The following SH3GL2 variants were observed in gnomAD, a reference collection of about 807,000 sequenced individuals.
The protein encoded by SH3GL2 is endophilin-A1.
A neutral mutation model predicts 46.0 loss-of-function variants in SH3GL2; 24 were observed. The observed-to-expected ratio is 0.52, with a 90% CI of 0.38 to 0.73. The LOEUF is 0.73. Among genes scored for constraint, SH3GL2 ranks in the 30% least tolerant of loss-of-function variants. The pLI is 0.00. For synonymous variants in SH3GL2, 196 were observed against 147.1 expected (o/e 1.33, Z -2.40); for missense variants, 413 against 424.2 (o/e 0.97, Z 0.23).
At chr9:17,672,495 T>C (rs1258137704) in intron 1 of SH3GL2, among the ~76,000 whole-genome samples, 1 of 152,190 alleles carries the variant, frequency 6.6e-6, no homozygotes, top group Non-Finnish European at 1.5e-5. Context: ...TACATAGATC[T>C]TGAAAATTAG....
chr9:17,613,069 A>T (rs1468551123), intron 1 of SH3GL2, among the ~76,000 whole-genome samples: 1 of 152,156 alleles, frequency 6.6e-6, no homozygotes, highest in Non-Finnish European at 1.5e-5. Flanking sequence ...AAGAATACAG[A>T]GATTCACCTT....
At chr9:17,779,344 C>G (rs1054011991) in intron 3 of SH3GL2, among the ~76,000 whole-genome samples, 1 of 152,106 alleles carries the variant, frequency 6.6e-6, no homozygotes, top group Non-Finnish European at 1.5e-5. Context: ...CCATCTGAAA[C>G]TTTGAGTCCC....
At chr9:17,741,402 A>G (rs1460136582) in intron 1 of SH3GL2, among the ~76,000 whole-genome samples, 2 of 152,224 alleles carry the variant, frequency 1.3e-5, no homozygotes, top group African/African-American at 4.8e-5. Flanking sequence ...TACTAATTGC[A>G]GTTGTAATGA....
chr9:17,766,993 A>G (rs1823336711), intron 3 of SH3GL2, among the ~76,000 whole-genome samples: 1 of 152,222 alleles, frequency 6.6e-6, no homozygotes, highest in Admixed American at 6.5e-5. Flanking sequence ...AATTGTAGAC[A>G]GTTGGACTGT....
chr9:17,681,368 A>G (rs902365138), intron 1 of SH3GL2, among the ~76,000 whole-genome samples: 3 of 152,072 alleles, frequency 2.0e-5, no homozygotes, highest in African/African-American at 7.2e-5. Context: ...TTGTCATTGT[A>G]TTTTCCGCTG....
At chr9:17,661,599 A>C (rs1820216944) in intron 1 of SH3GL2, among the ~76,000 whole-genome samples, 1 of 152,196 alleles carries the variant, frequency 6.6e-6, no homozygotes, top group Non-Finnish European at 1.5e-5. Flanking sequence ...TAAATAAGCA[A>C]CTTTTCAATT....
intron 1 of SH3GL2, among the ~76,000 whole-genome samples, chr9:17,684,417 G>A (rs1397226415): frequency 1.3e-5 from 2 of 152,040 alleles, no homozygotes; most frequent in East Asian, 1.9e-4. Flanking sequence ...AAAAGAGGGT[G>A]TGACAAAAGA....
At chr9:17,766,015 A>AATG (rs1823307275) in intron 3 of SH3GL2, among the ~76,000 whole-genome samples, 1 of 152,242 alleles carries the variant, frequency 6.6e-6, no homozygotes, top group Admixed American at 6.5e-5. Flanking sequence ...TATGTAACCA[A>AATG]CATTTGTCAC....
intron 1 of SH3GL2, among the ~76,000 whole-genome samples, chr9:17,650,728 G>A (rs1444371343): frequency 3.9e-5 from 6 of 152,204 alleles, no homozygotes; most frequent in African/African-American, 9.7e-5. Flanking sequence ...GGCTAAAGCC[G>A]ACCTGAATAC....
intron 1 of SH3GL2, among the ~76,000 whole-genome samples, chr9:17,737,769 G>C (rs1359521324): frequency 6.6e-6 from 1 of 152,008 alleles, no homozygotes; most frequent in Non-Finnish European, 1.5e-5. Context: ...TGACTCAGCT[G>C]TACTCTGGAG....
intron 3 of SH3GL2, among the ~76,000 whole-genome samples, chr9:17,774,815 A>T (rs978090298): frequency 1.3e-5 from 2 of 152,134 alleles, no homozygotes; most frequent in African/African-American, 2.4e-5. Flanking sequence ...AATGAGCAGG[A>T]AATTTTCCTT....
At chr9:17,793,284 A>G in intron 7 of SH3GL2, 83 bp from the exon 8 acceptor site, 1 of 1,276,734 alleles carries the variant, frequency 7.8e-7, no homozygotes, top group Non-Finnish European at 1.1e-6. Context: ...TGACCCAAGC[A>G]TTTCCTGAAT....
chr9:17,612,611 T>G (rs1036375230), intron 1 of SH3GL2, among the ~76,000 whole-genome samples: 1 of 152,192 alleles, frequency 6.6e-6, no homozygotes, highest in African/African-American at 2.4e-5. Context: ...ATTTCACTTG[T>G]GTATGTAATT....
At chr9:17,693,740 A>T (rs1037470538) in intron 1 of SH3GL2, among the ~76,000 whole-genome samples, 4 of 152,200 alleles carry the variant, frequency 2.6e-5, no homozygotes, top group African/African-American at 9.7e-5. Context: ...TCTCTGCTGG[A>T]TGAATCAAGC....
chr9:17,639,319 G>A (rs183563099), intron 1 of SH3GL2, among the ~76,000 whole-genome samples: 5 of 152,338 alleles, frequency 3.3e-5, no homozygotes, highest in Admixed American at 2.0e-4. Flanking sequence ...AATGAAATGT[G>A]TGTGCTTAGA....
In SH3GL2 at chr9:17,666,377, T is replaced by C. The variant is rs906537642; in HGVS notation, c.46-80689T>C. ...AAGATGTCCCCAGAAACATTATGAC[T>C]CTAATTCTTTCAGTTTCTCTGCTCT... On this transcript the variant is annotated intron_variant, in intron 1 of 8. Transcript: ENST00000380607. 2.0e-5 allele frequency among the ~76,000 whole-genome samples: 3 copies of C among 152,092 alleles called. No individual in the cohort carries two copies. In the East Asian group the frequency reaches 5.8e-4, roughly 29 times the overall value.
intron 1 of SH3GL2, among the ~76,000 whole-genome samples, chr9:17,617,434 T>A (rs1331231923): frequency 6.6e-6 from 1 of 152,164 alleles, no homozygotes; most frequent in Non-Finnish European, 1.5e-5. Flanking sequence ...CAAATGGGAT[T>A]TCATGGCCAA....
chr9:17,702,566 G>C (rs953757588), intron 1 of SH3GL2, among the ~76,000 whole-genome samples: 1 of 151,972 alleles, frequency 6.6e-6, no homozygotes, highest in Admixed American at 6.6e-5. Context: ...ACTCATGACT[G>C]AATTTCTTTA....
Position 17,579,126 on chromosome 9 carries a change from GC to G in SH3GL2, c.-113del. The G allele has an allele frequency of 1.6e-6, 1 of 612,860 alleles. No individual in the cohort carries two copies. The highest frequency in any genetic ancestry group is 2.6e-6 in the Non-Finnish European group (1 of 387,298). The allele number at this position is 612,860 out of a possible 1,614,324, so 38.0% of individuals were successfully genotyped here. ...TAGGCTCCGCGCCCTCGCGCCCATA[GC>G]CCCGGCGGCGGCACGACCAGAGGCG... is the stretch of plus-strand genomic sequence containing the variant. On this transcript the variant is annotated 5_prime_UTR_variant, in exon 1 of 9. Coordinates refer to ENST00000380607, the MANE Select transcript of SH3GL2 (RefSeq NM_003026.5).
Sources: gnomAD v4.1 joint callset for allele counts (sites outside exome capture counted in the v4.1 genomes callset) on GRCh38, gnomAD v4.1.1 for gene constraint, MANE v1.5 for transcripts, NCBI Gene and HGNC (gene_info 2026-07-23, HGNC 2026-07-21) for gene names.